ZBTB20: variants seen among roughly 807,000 people sequenced by gnomAD.
The protein encoded by ZBTB20 is zinc finger and BTB domain-containing protein 20.
A neutral mutation model predicts 56.9 loss-of-function variants in ZBTB20; 9 were observed. The ratio of observed to expected loss-of-function variants is 0.16; its 90% CI spans 0.10 to 0.28. The LOEUF is 0.28. Among genes scored for constraint, ZBTB20 ranks in the 10% least tolerant of loss-of-function variants. The pLI, the probability that ZBTB20 is intolerant of heterozygous loss-of-function variation, is 1.00. For synonymous variants in ZBTB20, 417 were observed against 420.7 expected (o/e 0.99, Z 0.11); for missense variants, 655 against 1,003.0 (o/e 0.65, Z 4.69).
intron 4 of ZBTB20, among the ~76,000 whole-genome samples, chr3:114,846,313 T>C (rs2074702727): frequency 6.6e-6 from 1 of 152,216 alleles, no homozygotes; most frequent in South Asian, 2.1e-4. Context: ...AGGCTCTTTA[T>C]TCTTTTTAGA....
chr3:114,746,737 GC>G (rs1645977684), intron 5 of ZBTB20, among the ~76,000 whole-genome samples: 1 of 152,194 alleles, frequency 6.6e-6, no homozygotes, highest in South Asian at 2.1e-4. Context: ...GTGGCGTCAT[GC>G]TAGCAGAGAA....
At chr3:114,537,334 C>G (rs140384763) in intron 6 of ZBTB20, among the ~76,000 whole-genome samples, 322 of 152,244 alleles carry the variant, frequency 2.1e-3, no homozygotes, top group Non-Finnish European at 2.9e-3. Context: ...AGGATAAGAG[C>G]AGACACTTCT....
intron 1 of ZBTB20, among the ~76,000 whole-genome samples, chr3:115,142,412 T>C (rs549340712): frequency 1.2e-4 from 19 of 152,216 alleles, no homozygotes; most frequent in South Asian, 2.1e-4. Context: ...CCTGTAATCC[T>C]AGCTCTTTGG....
chr3:114,408,191 T>C (rs6785090), intron 7 of ZBTB20, among the ~76,000 whole-genome samples: 31,585 of 152,170 alleles, frequency 0.21, 4,357 homozygotes, highest in African/African-American at 0.39. Context: ...TTTTGTAGCA[T>C]GCTTATATGA....
intron 5 of ZBTB20, among the ~76,000 whole-genome samples, chr3:114,779,820 T>C (rs563487215): frequency 8.3e-4 from 127 of 152,278 alleles, no homozygotes; most frequent in African/African-American, 3.0e-3. Context: ...AGTTTCTTAG[T>C]CATAATGTTT....
intron 6 of ZBTB20, among the ~76,000 whole-genome samples, chr3:114,620,080 C>A (rs1259214532): frequency 1.3e-5 from 2 of 152,166 alleles, no homozygotes; most frequent in Non-Finnish European, 1.5e-5. Flanking sequence ...TTCGGTCACC[C>A]TCATAAGTCC....
intron 6 of ZBTB20, among the ~76,000 whole-genome samples, chr3:114,623,307 C>G (rs1170927537): frequency 6.6e-6 from 1 of 152,158 alleles, no homozygotes; most frequent in Admixed American, 6.6e-5. Context: ...CAGGATGCAA[C>G]CATCCCCACT....
At chr3:114,957,683 G>C (rs576121397) in intron 3 of ZBTB20, among the ~76,000 whole-genome samples, 6 of 152,124 alleles carry the variant, frequency 3.9e-5, no homozygotes, top group South Asian at 2.1e-4. Flanking sequence ...CCTTTTCATC[G>C]TGACAACCAC....
At chr3:115,002,241 C>A (rs1416204814) in intron 2 of ZBTB20, among the ~76,000 whole-genome samples, 1 of 151,382 alleles carries the variant, frequency 6.6e-6, no homozygotes, top group Non-Finnish European at 1.5e-5. Flanking sequence ...AAATCATAGA[C>A]CTAAATGTAC....
chr3:114,668,593 A>C (rs986583967), intron 6 of ZBTB20, among the ~76,000 whole-genome samples: 1 of 151,996 alleles, frequency 6.6e-6, no homozygotes, highest in African/African-American at 2.4e-5. Context: ...TGTTGGTTTT[A>C]GTTTTCACTA....
chr3:115,032,209 G>A (rs550342108), intron 2 of ZBTB20, among the ~76,000 whole-genome samples: 3 of 151,180 alleles, frequency 2.0e-5, no homozygotes, highest in East Asian at 3.9e-4. Context: ...TCCAGATTGC[G>A]CTTTCTTTAT....
At chr3:114,346,915 G>T (rs1258775679) in intron 11 of ZBTB20, among the ~76,000 whole-genome samples, 1 of 151,590 alleles carries the variant, frequency 6.6e-6, no homozygotes, top group Non-Finnish European at 1.5e-5. Context: ...CAAACTCCTC[G>T]GCTCAAGTGA....
intron 11 of ZBTB20, among the ~76,000 whole-genome samples, chr3:114,345,892 T>C (rs1256847281): frequency 6.6e-6 from 1 of 152,208 alleles, no homozygotes; most frequent in Non-Finnish European, 1.5e-5. Context: ...TGCTTTTTTC[T>C]CTTGATGAAG....
chr3:114,547,753 T>C (rs1423958669), intron 6 of ZBTB20, among the ~76,000 whole-genome samples: 1 of 152,226 alleles, frequency 6.6e-6, no homozygotes, highest in Non-Finnish European at 1.5e-5. Context: ...AAGTGCATAC[T>C]AGGTGTAAAG....
chr3:115,048,204 G>A (rs1276005165), intron 2 of ZBTB20, among the ~76,000 whole-genome samples: 5 of 152,064 alleles, frequency 3.3e-5, no homozygotes, highest in African/African-American at 4.8e-5. Context: ...CAGCCTGGGC[G>A]ACAGAGCGAG....
intron 4 of ZBTB20, among the ~76,000 whole-genome samples, chr3:114,805,103 CAG>C (rs1374044543): frequency 6.6e-6 from 1 of 151,816 alleles, no homozygotes; most frequent in Non-Finnish European, 1.5e-5. Flanking sequence ...AATGATAGTA[CAG>C]AGAGTACCCA....
At chr3:114,505,992 G>A (rs1433505636) in intron 6 of ZBTB20, among the ~76,000 whole-genome samples, 2 of 152,058 alleles carry the variant, frequency 1.3e-5, no homozygotes, top group African/African-American at 2.4e-5. Flanking sequence ...CCAGATGCAA[G>A]GGTATTTATA....
At chr3:114,999,788 C>T (rs2079173782) in intron 2 of ZBTB20, among the ~76,000 whole-genome samples, 1 of 151,546 alleles carries the variant, frequency 6.6e-6, no homozygotes, top group Non-Finnish European at 1.5e-5. Context: ...TTTTTAACTG[C>T]CTCTATAATA....
chr3:114,762,052 A>G (rs1306702064), intron 5 of ZBTB20, among the ~76,000 whole-genome samples: 1 of 152,166 alleles, frequency 6.6e-6, no homozygotes, highest in Non-Finnish European at 1.5e-5. Flanking sequence ...AAAGCAAATT[A>G]GCCTTGGTAG....
Sources: allele counts gnomAD v4.1 joint callset (sites outside exome capture counted in the v4.1 genomes callset), GRCh38; gene constraint gnomAD v4.1.1; transcripts MANE v1.5; gene names NCBI Gene and HGNC (gene_info 2026-07-23, HGNC 2026-07-21).